The following DAD1 variants were observed in gnomAD, a reference collection of about 807,000 sequenced individuals.
The protein encoded by DAD1 is dolichyl-diphosphooligosaccharide--protein glycosyltransferase subunit DAD1.
A neutral mutation model predicts 9.0 loss-of-function variants in DAD1; 4 were observed. That is an observed-to-expected ratio of 0.44 (90% CI 0.22 to 1.01). The LOEUF is 1.01. Among genes scored for constraint, DAD1 ranks in the 50% least tolerant of loss-of-function variants. DAD1 has a pLI of 0.24. For synonymous variants in DAD1, 60 were observed against 62.5 expected, an observed-to-expected ratio of 0.96 and a Z score of 0.19; for missense variants, 119 against 137.3, an observed-to-expected ratio of 0.87 and a Z score of 0.67.
At chr14:22,566,749 T>G (rs1202304915) in intron 2 of DAD1, among the ~76,000 whole-genome samples, 1 of 152,238 alleles carries the variant, frequency 6.6e-6, no homozygotes, top group Admixed American at 6.5e-5. Context: ...AATCAAAGTT[T>G]AAAGATTTTA....
At chr14:22,568,780 C>T (rs1471340727) in intron 2 of DAD1, among the ~76,000 whole-genome samples, 2 of 151,676 alleles carry the variant, frequency 1.3e-5, no homozygotes, top group Admixed American at 6.6e-5. Context: ...TCACTGCAGC[C>T]GTGACCTCCC....
intron 1 of DAD1, 67 bp from the exon 2 acceptor site, chr14:22,575,300 C>G: frequency 6.5e-7 from 1 of 1,548,942 alleles, no homozygotes; most frequent in South Asian, 1.2e-5. Context: ...CTAATGAACA[C>G]AGACATACCC....
At chr14:22,586,504 T>G (rs1302086825) in intron 1 of DAD1, among the ~76,000 whole-genome samples, 5 of 151,952 alleles carry the variant, frequency 3.3e-5, no homozygotes, top group African/African-American at 9.7e-5. Context: ...GAGATCGCCA[T>G]TGCACTCCAG....
At chr14:22,586,199 C>CAA (rs11357700) in intron 1 of DAD1, among the ~76,000 whole-genome samples, 3,593 of 122,364 alleles carry the variant, frequency 0.029, 170 homozygotes, top group African/African-American at 0.097. Flanking sequence ...GACTCCGTCT[C>CAA]AAAAAAAAAA....
At chr14:22,579,284 A>G (rs1420622214) in intron 1 of DAD1, among the ~76,000 whole-genome samples, 1 of 152,224 alleles carries the variant, frequency 6.6e-6, no homozygotes, top group Non-Finnish European at 1.5e-5. Context: ...GCCTGTGATA[A>G]ATTATTACAT....
intron 2 of DAD1, among the ~76,000 whole-genome samples, chr14:22,571,445 G>A (rs1043823925): frequency 4.6e-5 from 7 of 151,740 alleles, no homozygotes; most frequent in Middle Eastern, 3.4e-3. Flanking sequence ...AAAATATGCC[G>A]CCACCTACAC....
chr14:22,571,452 A>G (rs1462841718), intron 2 of DAD1, among the ~76,000 whole-genome samples: 2 of 152,020 alleles, frequency 1.3e-5, no homozygotes, highest in African/African-American at 4.8e-5. Context: ...GCCGCCACCT[A>G]CACAACAAAA....
At chr14:22,588,847 A>T in intron 1 of DAD1, 100 bp downstream of exon 1, 1 of 1,236,006 alleles carries the variant, frequency 8.1e-7, no homozygotes, top group Middle Eastern at 2.4e-4. Context: ...GGCTCTTCTC[A>T]TAACTTCAAG....
rs1291038061 is a variant in DAD1 at position 22,584,372 on chromosome 14, AGGAATACAG to A, written c.211+4566_211+4574del. On this transcript the variant is annotated intron_variant, in intron 1 of 2. Coordinates refer to ENST00000250498, the MANE Select transcript of DAD1 (RefSeq NM_001344.4). ...CACACACACACATACAAGGTGAAAA[AGGAATACAG>A]AGGAAAGACCTCAATCTGCTGGAGA... Among the ~76,000 whole-genome samples the A allele has an allele frequency of 3.3e-5, 5 of 152,144 alleles. No homozygotes were observed. The East Asian group carries it at 9.7e-4, about 29-fold the overall frequency.
At chr14:22,581,517 G>A (rs1187965108) in intron 1 of DAD1, among the ~76,000 whole-genome samples, 5 of 151,870 alleles carry the variant, frequency 3.3e-5, no homozygotes, top group Admixed American at 6.6e-5. Context: ...CGAGGCGGGT[G>A]GATAACCTGA....
intron 2 of DAD1, among the ~76,000 whole-genome samples, chr14:22,568,951 G>A (rs1195985661): frequency 1.3e-5 from 2 of 151,944 alleles, no homozygotes; most frequent in Non-Finnish European, 2.9e-5. Context: ...CTCCCACCTT[G>A]GCCTCCCCAA....
chr14:22,578,004 A>G (rs1482272231), intron 1 of DAD1, among the ~76,000 whole-genome samples: 1 of 149,448 alleles, frequency 6.7e-6, no homozygotes, highest in Middle Eastern at 3.4e-3. Context: ...CTGTAATCCC[A>G]GCACTTTGGG....
intron 1 of DAD1, among the ~76,000 whole-genome samples, chr14:22,587,423 C>T (rs942965623): frequency 6.6e-6 from 1 of 152,114 alleles, no homozygotes; most frequent in Non-Finnish European, 1.5e-5. Flanking sequence ...CATATAGTAC[C>T]GTGGCAGAGG....
chr14:22,570,279 G>A (rs1397339480), intron 2 of DAD1, among the ~76,000 whole-genome samples: 1 of 152,092 alleles, frequency 6.6e-6, no homozygotes, highest in Non-Finnish European at 1.5e-5. Flanking sequence ...AAATCAAACG[G>A]GAAACCTGCG....
At chr14:22,571,909 C>T (rs1451381278) in intron 2 of DAD1, among the ~76,000 whole-genome samples, 1 of 152,172 alleles carries the variant, frequency 6.6e-6, no homozygotes, top group African/African-American at 2.4e-5. Context: ...GGATTACAGG[C>T]ATCAGCCACC....
At chr14:22,580,578 A>AG (rs1458742568) in intron 1 of DAD1, among the ~76,000 whole-genome samples, 8 of 152,128 alleles carry the variant, frequency 5.3e-5, no homozygotes, top group Non-Finnish European at 1.2e-4. Flanking sequence ...AGGAAATATG[A>AG]GGGAAAAAAA....
intron 1 of DAD1, among the ~76,000 whole-genome samples, chr14:22,585,899 T>C (rs2037148354): frequency 6.6e-6 from 1 of 152,220 alleles, no homozygotes; most frequent in South Asian, 2.1e-4. Context: ...TTAAATCTTT[T>C]CCTTTCTTTA....
intron 1 of DAD1, among the ~76,000 whole-genome samples, chr14:22,579,206 A>C (rs1352128869): frequency 6.7e-6 from 1 of 148,562 alleles, no homozygotes; most frequent in Non-Finnish European, 1.5e-5. Context: ...GAAGATTCTA[A>C]CAGTCACCAT....
At chr14:22,571,655 CAG>C (rs1376941853) in intron 2 of DAD1, among the ~76,000 whole-genome samples, 18 of 76,488 alleles carry the variant, frequency 2.4e-4, no homozygotes, top group African/African-American at 7.1e-4. Context: ...TTTTAGAAAA[CAG>C]AGTCTTACTC....
Sources: allele counts gnomAD v4.1 joint callset (sites outside exome capture counted in the v4.1 genomes callset), GRCh38; gene constraint gnomAD v4.1.1; transcripts MANE v1.5; gene names NCBI Gene and HGNC (gene_info 2026-07-23, HGNC 2026-07-21).